BBS4: variants seen among roughly 807,000 people sequenced by gnomAD.
BBS4 encodes BBSome complex member BBS4.
Under a neutral mutation model 71.4 loss-of-function variants are expected in BBS4, and 58 were observed. That is an observed-to-expected ratio of 0.81 (90% confidence interval 0.66 to 1.01). BBS4 has a LOEUF of 1.01. BBS4 is among the 50% of genes least tolerant of loss of function. The pLI is 0.00. For missense variants in BBS4, 660 were observed against 607.9 expected (o/e 1.09, Z -0.90); for synonymous variants, 228 against 216.8 (o/e 1.05, Z -0.46).
intron 1 of BBS4, among the ~76,000 whole-genome samples, chr15:72,689,903 C>T (rs1311512970): frequency 3.9e-5 from 6 of 152,148 alleles, no homozygotes; most frequent in South Asian, 2.1e-4. Context: ...CTCCGCCTCC[C>T]GGGTTCACGC....
intron 1 of BBS4, among the ~76,000 whole-genome samples, chr15:72,690,286 A>G (rs546501668): frequency 1.3e-5 from 2 of 152,324 alleles, no homozygotes; most frequent in Admixed American, 6.5e-5. Flanking sequence ...TGTTGGATGA[A>G]TAAATGATCA....
chr15:72,690,243 T>C (rs2064960066), intron 1 of BBS4, among the ~76,000 whole-genome samples: 2 of 152,220 alleles, frequency 1.3e-5, no homozygotes, highest in African/African-American at 2.4e-5. Context: ...GGCTCAGATA[T>C]AGTGCCTATG....
intron 1 of BBS4, among the ~76,000 whole-genome samples, chr15:72,694,133 C>T (rs763789161): frequency 6.6e-6 from 1 of 151,716 alleles, no homozygotes; most frequent in Non-Finnish European, 1.5e-5. Flanking sequence ...GATCCACCTG[C>T]CTTGGCCTCC....
intron 9 of BBS4, among the ~76,000 whole-genome samples, chr15:72,729,409 C>A (rs1350683205): frequency 6.6e-6 from 1 of 151,744 alleles, no homozygotes; most frequent in African/African-American, 2.4e-5. Flanking sequence ...TGCCACCATG[C>A]CTGGGTAATT....
At chr15:72,728,497 C>CG (rs2065744979) in intron 9 of BBS4, among the ~76,000 whole-genome samples, 1 of 146,628 alleles carries the variant, frequency 6.8e-6, no homozygotes, top group South Asian at 2.2e-4. Context: ...GATCCTGTCT[C>CG]AGAAAAAAAA....
chr15:72,688,506 C>T lies in BBS4; in HGVS notation c.24+2255C>T, dbSNP rs146887599. 9.0e-4 allele frequency among the ~76,000 whole-genome samples: 130 copies of T among 144,424 alleles called. 1 individual carries two copies. In the East Asian group the frequency reaches 0.027, roughly 30 times the overall value. 94.7% of individuals were successfully genotyped at this position (144,424 alleles called of 152,430 possible). A position where few individuals can be genotyped will look rare whatever the true frequency, so the allele number is the denominator to read the frequency against. On this transcript the variant is annotated intron_variant, in intron 1 of 15. Coordinates refer to ENST00000268057, the MANE Select transcript of BBS4 (RefSeq NM_033028.5). Reference sequence around the variant, plus strand: ...TCAGCTCAGTGGAACCTCTGCCTCCCGGGTTCAAGTGATTTTTCTGCCTCA... The same window carrying T: ...TCAGCTCAGTGGAACCTCTGCCTCCTGGGTTCAAGTGATTTTTCTGCCTCA...
At chr15:72,721,269 T>C (rs890928165) in intron 6 of BBS4, among the ~76,000 whole-genome samples, 1 of 152,174 alleles carries the variant, frequency 6.6e-6, no homozygotes, top group Non-Finnish European at 1.5e-5. Context: ...TGTGACGATG[T>C]GGGTAGTTTA....
intron 1 of BBS4, among the ~76,000 whole-genome samples, chr15:72,692,350 C>G (rs1165023623): frequency 9.5e-6 from 1 of 105,044 alleles, no homozygotes; most frequent in African/African-American, 3.7e-5. Flanking sequence ...GAGTCTTGCT[C>G]TGTCACCCAG....
At chr15:72,716,677 A>T (rs2065473224) in intron 5 of BBS4, 101 bp from the exon 6 acceptor site, 1 of 924,282 alleles carries the variant, frequency 1.1e-6, no homozygotes, top group South Asian at 1.5e-5. Flanking sequence ...AAAGGCTTCT[A>T]GAATTCTCTG....
At chr15:72,720,675 G>T (rs544504716) in intron 6 of BBS4, among the ~76,000 whole-genome samples, 1 of 152,194 alleles carries the variant, frequency 6.6e-6, no homozygotes, top group South Asian at 2.1e-4. Flanking sequence ...GGCTTTGGAA[G>T]ATGGAAGTTG....
intron 8 of BBS4, 108 bp downstream of exon 8, chr15:72,724,763 A>G: frequency 6.9e-7 from 1 of 1,440,448 alleles, no homozygotes; most frequent in Non-Finnish European, 9.5e-7. Flanking sequence ...TACTTACTGT[A>G]TGAGTTAAAG....
chr15:72,728,121 T>C (rs915249418), intron 9 of BBS4, 127 bp downstream of exon 9: 4 of 700,110 alleles, frequency 5.7e-6, no homozygotes, highest in Non-Finnish European at 1.0e-5. Flanking sequence ...TGAACTACAC[T>C]CTCTCTATTC....
intron 6 of BBS4, among the ~76,000 whole-genome samples, chr15:72,722,347 T>G (rs2065592086): frequency 6.6e-6 from 1 of 152,232 alleles, no homozygotes; most frequent in Middle Eastern, 3.2e-3. Flanking sequence ...CAATTCCAGA[T>G]TCCTAGGGAA....
At position 72,695,160 on chromosome 15, in the gene BBS4, T is replaced by C; in HGVS notation, c.25-17T>C. 1 of 1,586,272 alleles carries C rather than the reference T, an allele frequency of 6.3e-7. No individual in the cohort carries two copies. Among genetic ancestry groups the C allele is most frequent in the South Asian group, 1.1e-5 (1 of 89,824 alleles). On this transcript the variant is annotated splice_polypyrimidine_tract_variant and intron_variant, in intron 1 of 15. Transcript: ENST00000268057. ...TATATTGTGGTGCTTCAATATAGAC[T>C]ACTTATTTCATTTCAGAGAACTCAA...
intron 1 of BBS4, among the ~76,000 whole-genome samples, chr15:72,694,177 G>T (rs1353224116): frequency 7.3e-6 from 1 of 137,832 alleles, no homozygotes; most frequent in Non-Finnish European, 1.5e-5. Flanking sequence ...GAGGCACGGC[G>T]TCTGGCCTTT....
intron 2 of BBS4, among the ~76,000 whole-genome samples, chr15:72,699,835 A>G (rs991366655): frequency 6.6e-6 from 1 of 152,220 alleles, no homozygotes; most frequent in East Asian, 1.9e-4. Context: ...TTATTTAAAA[A>G]ATGCTGTTTA....
intron 1 of BBS4, among the ~76,000 whole-genome samples, chr15:72,688,409 A>ATTTTTTTTTTTTTTTTTT (rs1188469848): frequency 1.2e-3 from 30 of 24,090 alleles, no homozygotes; most frequent in Non-Finnish European, 2.3e-3. Flanking sequence ...GTGGTATTTT[A>ATTTTTTTTTTTTTTTTTT]TCTTTTTTTT....
chr15:72,700,077 C>T (rs2065143492), intron 2 of BBS4, among the ~76,000 whole-genome samples: 1 of 152,126 alleles, frequency 6.6e-6, no homozygotes, highest in Non-Finnish European at 1.5e-5. Flanking sequence ...GTAGCTGGGA[C>T]TATAGGTGTG....
At chr15:72,693,072 A>G (rs1351007517) in intron 1 of BBS4, among the ~76,000 whole-genome samples, 1 of 152,166 alleles carries the variant, frequency 6.6e-6, no homozygotes, top group African/African-American at 2.4e-5. Context: ...ATACATGTTT[A>G]CTGTAAGTCC....
Sources: allele counts gnomAD v4.1 joint callset (sites outside exome capture counted in the v4.1 genomes callset), GRCh38; gene constraint gnomAD v4.1.1; transcripts MANE v1.5; gene names NCBI Gene and HGNC (gene_info 2026-07-23, HGNC 2026-07-21).